The following SEMA6D variants were observed in gnomAD, a reference collection of about 807,000 sequenced individuals.
SEMA6D encodes the protein semaphorin-6D.
Under a neutral mutation model 106.6 loss-of-function variants are expected in SEMA6D, and 35 were observed. The ratio of observed to expected loss-of-function variants is 0.33; its 90% CI spans 0.25 to 0.44. The LOEUF (loss-of-function observed/expected upper bound fraction) is 0.44. SEMA6D is among the 20% of genes least tolerant of loss of function. SEMA6D has a pLI of 1.00. For missense variants in SEMA6D, 1,185 were observed against 1,345.9 expected (o/e 0.88, Z 1.87); for synonymous variants, 499 against 487.7 (o/e 1.02, Z -0.31).
chr15:47,701,400 A>G (rs2078808144), intron 4 of SEMA6D, among the ~76,000 whole-genome samples: 1 of 152,146 alleles, frequency 6.6e-6, no homozygotes, highest in Non-Finnish European at 1.5e-5. Context: ...AAAGGATACA[A>G]AATTTCAGTT....
intron 1 of SEMA6D, among the ~76,000 whole-genome samples, chr15:47,733,010 A>G (rs1272289051): frequency 6.6e-6 from 1 of 152,228 alleles, no homozygotes; most frequent in Non-Finnish European, 1.5e-5. Flanking sequence ...GGAGACACAG[A>G]TGCTAACTCG....
intron 2 of SEMA6D, among the ~76,000 whole-genome samples, chr15:47,441,360 A>G (rs2041875655): frequency 6.6e-6 from 1 of 152,154 alleles, no homozygotes; most frequent in African/African-American, 2.4e-5. Flanking sequence ...ACAGAAGTCA[A>G]AAGTAAAAAT....
intron 10 of SEMA6D, 53 bp downstream of exon 10, chr15:47,764,120 C>T: frequency 6.2e-7 from 1 of 1,612,786 alleles, no homozygotes; most frequent in Non-Finnish European, 8.5e-7. Context: ...CCTGTCAGAA[C>T]CAAGACAGGC....
In SEMA6D at chr15:47,772,110, T is replaced by G. The variant is rs2082654110; in HGVS notation, c.*325T>G. On this transcript the variant is annotated 3_prime_UTR_variant, in exon 19 of 19. Coordinates refer to ENST00000536845, the MANE Select transcript of SEMA6D (RefSeq NM_001358351.3). ...CTCAGAAGAATCTGTGAACAAATAC[T>G]TGAAAATGGGTTCAATGTAGACTGC... 3.8e-6 allele frequency: 1 copy of G among 266,058 alleles called. No homozygotes were observed. The highest frequency in any genetic ancestry group is 4.7e-5 in the Admixed American group (1 of 21,122). 16.5% of individuals were successfully genotyped at this position (266,058 alleles called of 1,614,324 possible).
At chr15:47,220,975 G>A (rs1338617858) in intron 1 of SEMA6D, among the ~76,000 whole-genome samples, 2 of 152,028 alleles carry the variant, frequency 1.3e-5, no homozygotes, top group South Asian at 2.1e-4. Context: ...AAAATGTCTG[G>A]GAAAACCTGC....
At chr15:47,207,882 C>T (rs1895181978) in intron 1 of SEMA6D, among the ~76,000 whole-genome samples, 1 of 151,878 alleles carries the variant, frequency 6.6e-6, no homozygotes, top group African/African-American at 2.4e-5. Flanking sequence ...TTACAGATGC[C>T]TTCTAGGGAA....
rs369360733 is a variant in SEMA6D, at chr15:47,728,773, C to T, written c.-55+11081C>T. On this transcript the variant is annotated intron_variant, in intron 1 of 18. Transcript: ENST00000536845. ...TGTCTTCATTTCTTCTCACACGTGA[C>T]CCTTTTCCTCCATCTTCAAAGCCAG... 3.2e-3 allele frequency among the ~76,000 whole-genome samples: 484 copies of T among 152,264 alleles called. 9 individuals carry two copies. The highest frequency in any genetic ancestry group is 0.011 in the African/African-American group (453 of 41,548).
chr15:47,332,446 A>G (rs2037377724), intron 1 of SEMA6D, among the ~76,000 whole-genome samples: 1 of 152,160 alleles, frequency 6.6e-6, no homozygotes, highest in Non-Finnish European at 1.5e-5. Context: ...TTTTCACCTA[A>G]TTGTCTGTTG....
At chr15:47,224,709 C>A (rs139072262) in intron 1 of SEMA6D, among the ~76,000 whole-genome samples, 1 of 152,004 alleles carries the variant, frequency 6.6e-6, no homozygotes, top group Non-Finnish European at 1.5e-5. Flanking sequence ...AAATTCTTCA[C>A]ATCAATGACA....
intron 4 of SEMA6D, among the ~76,000 whole-genome samples, chr15:47,648,320 G>A (rs976948945): frequency 6.6e-6 from 1 of 152,122 alleles, no homozygotes; most frequent in African/African-American, 2.4e-5. Context: ...TAGGTGAAAT[G>A]GCATGTTTGA....
At chr15:47,318,067 A>C (rs896809129) in intron 1 of SEMA6D, among the ~76,000 whole-genome samples, 2 of 107,900 alleles carry the variant, frequency 1.9e-5, no homozygotes, top group African/African-American at 5.9e-5. Flanking sequence ...CTTTATTTTA[A>C]TATTTACTTC....
chr15:47,308,638 G>A (rs983569440), intron 1 of SEMA6D, among the ~76,000 whole-genome samples: 8 of 152,148 alleles, frequency 5.3e-5, no homozygotes, highest in Non-Finnish European at 1.0e-4. Context: ...TACAGAACAA[G>A]GTTGACAATG....
At chr15:47,463,211 C>A (rs1259891598) in intron 2 of SEMA6D, among the ~76,000 whole-genome samples, 1 of 152,152 alleles carries the variant, frequency 6.6e-6, no homozygotes, top group Non-Finnish European at 1.5e-5. Flanking sequence ...ACAGTGAACT[C>A]TGCATGAAGC....
At chr15:47,216,624 C>A (rs1416721886) in intron 1 of SEMA6D, among the ~76,000 whole-genome samples, 1 of 152,036 alleles carries the variant, frequency 6.6e-6, no homozygotes. Context: ...AACAAAGAGT[C>A]AGTTCCTTAA....
chr15:47,456,578 T>C (rs1198950042), intron 2 of SEMA6D, among the ~76,000 whole-genome samples: 4 of 152,022 alleles, frequency 2.6e-5, no homozygotes, highest in Non-Finnish European at 4.4e-5. Context: ...CTTCTACTTT[T>C]AGCAGTGAAG....
chr15:47,386,564 C>T (rs140666461), intron 1 of SEMA6D, among the ~76,000 whole-genome samples: 11 of 152,292 alleles, frequency 7.2e-5, no homozygotes, highest in African/African-American at 2.6e-4. Flanking sequence ...TCCGCAAGGC[C>T]ATCGGGGAGT....
intron 3 of SEMA6D, among the ~76,000 whole-genome samples, chr15:47,563,820 A>G (rs1376020309): frequency 6.6e-6 from 1 of 152,234 alleles, no homozygotes; most frequent in Non-Finnish European, 1.5e-5. Flanking sequence ...TAGGTTATGT[A>G]TCATCATAAA....
chr15:47,267,821 A>G (rs1490049250), intron 1 of SEMA6D, among the ~76,000 whole-genome samples: 1 of 151,964 alleles, frequency 6.6e-6, no homozygotes, highest in South Asian at 2.1e-4. Flanking sequence ...CTGTTCTTAG[A>G]TTGGATTTTC....
At chr15:47,291,250 A>G (rs2035581455) in intron 1 of SEMA6D, among the ~76,000 whole-genome samples, 1 of 152,222 alleles carries the variant, frequency 6.6e-6, no homozygotes, top group African/African-American at 2.4e-5. Context: ...CTCCTTTTCA[A>G]TATAAGATTA....
Sources: allele counts gnomAD v4.1 joint callset (sites outside exome capture counted in the v4.1 genomes callset), GRCh38; gene constraint gnomAD v4.1.1; transcripts MANE v1.5; gene names NCBI Gene and HGNC (gene_info 2026-07-23, HGNC 2026-07-21).